The following ASIP variants were observed in gnomAD, a reference collection of about 807,000 sequenced individuals.
The protein encoded by ASIP is agouti signaling protein, also known as agouti-signaling protein.
Under a neutral mutation model 10.3 loss-of-function variants are expected in ASIP, and 11 were observed. That is an observed-to-expected ratio of 1.07 (90% CI 0.68 to 1.78). The LOEUF is 1.78. ASIP is among the 40% of genes most tolerant of loss of function. ASIP has a pLI of 0.00. For synonymous variants in ASIP, 70 were observed against 70.8 expected, an observed-to-expected ratio of 0.99 and a Z score of 0.06; for missense variants, 180 against 169.2, an observed-to-expected ratio of 1.06 and a Z score of -0.35.
intron 1 of ASIP, among the ~76,000 whole-genome samples, chr20:34,257,942 G>A (rs573262530): frequency 6.6e-6 from 1 of 152,284 alleles, no homozygotes; most frequent in Admixed American, 6.5e-5. Context: ...TCAGGAGTTT[G>A]AGATCAGCTT....
In ASIP at chr20:34,269,118, G is replaced by A. The variant is rs1021484408; in HGVS notation, c.350G>A (p.Arg117His). The A allele has an allele frequency of 1.9e-6, 3 of 1,560,054 alleles. No individual in the cohort carries two copies. Among genetic ancestry groups the A allele is most frequent in the African/African-American group, 2.7e-5 (2 of 73,272 alleles). The change falls in exon 4 of 4, where the codon CGC becomes CAC. Residue 117 changes from arginine to histidine, a missense_variant. Physicochemically the swap from Arg to His is conservative, Grantham distance 29. Coordinates refer to ENST00000374954, the MANE Select transcript of ASIP (RefSeq NM_001672.3). ...GACCCGTGCGCCTCCTGCCAGTGCC[G>A]CTTCTTCCGCAGCGCCTGCTCCTGC... ...CCDPCASCQC[R>H]FFRSACSCRV...
chr20:34,251,129 T>C (rs1354643825), intron 1 of ASIP, among the ~76,000 whole-genome samples: 1 of 152,180 alleles, frequency 6.6e-6, no homozygotes, highest in African/African-American at 2.4e-5. Flanking sequence ...TTAATACAAT[T>C]GCAGTGGGCT....
chr20:34,209,688 T>A (rs1234720383), intron 1 of ASIP, among the ~76,000 whole-genome samples: 1 of 152,210 alleles, frequency 6.6e-6, no homozygotes, highest in Non-Finnish European at 1.5e-5. Context: ...AGTCCCCTGC[T>A]GCCTTGGGCC....
intron 1 of ASIP, chr20:34,216,002 C>T: frequency 1.4e-6 from 1 of 710,954 alleles, no homozygotes; most frequent in South Asian, 1.4e-5. Context: ...CCAGCCTGAA[C>T]TCCATGGTCA....
At chr20:34,201,496 A>C (rs1161923639) in intron 1 of ASIP, among the ~76,000 whole-genome samples, 1 of 152,182 alleles carries the variant, frequency 6.6e-6, no homozygotes, top group Non-Finnish European at 1.5e-5. Context: ...AGGTGTAAAA[A>C]AATTTCACAT....
chr20:34,214,346 A>T, intron 1 of ASIP: 1 of 1,308,312 alleles, frequency 7.6e-7, no homozygotes, highest in East Asian at 2.3e-5. Flanking sequence ...CATATCTAAC[A>T]ACAGTTTCGA....
rs180688800 is a variant in ASIP at position 34,262,068 on chromosome 20, G to A, written c.161-764G>A. Reference sequence around the variant, plus strand: ...GCAGAAGTCACAGTGAGCCGAGATCGCACCACTGTACTCCAGCCTGGGCAA... The same window carrying A: ...GCAGAAGTCACAGTGAGCCGAGATCACACCACTGTACTCCAGCCTGGGCAA... On this transcript the variant is annotated intron_variant, in intron 2 of 3. Coordinates refer to ENST00000374954, the MANE Select transcript of ASIP (RefSeq NM_001672.3). Among the ~76,000 whole-genome samples the A allele has an allele frequency of 1.1e-4, 17 of 151,374 alleles. No homozygotes were observed. The East Asian group carries it at 2.7e-3, about 24-fold the overall frequency.
upstream of ASIP, among the ~76,000 whole-genome samples, chr20:34,239,931 T>C (rs1349999057): frequency 2.0e-5 from 3 of 152,204 alleles, no homozygotes; most frequent in African/African-American, 7.2e-5. Context: ...AAGCAATACA[T>C]TGTGACTGTT....
rs550543265 is a variant in ASIP, at chr20:34,260,571, G to A, written c.160+37G>A. The A allele has an allele frequency of 1.9e-5, 29 of 1,558,016 alleles. No individual in the cohort carries two copies. In the East Asian group the frequency reaches 6.3e-4, roughly 34 times the overall value. ...AGCCTCTGGGCTCTGGCCCAGGAGA[G>A]GGGCTGCAGGAGATCAAGCATGCTT... On this transcript the variant is annotated intron_variant, in intron 2 of 3. Coordinates refer to ENST00000374954, the MANE Select transcript of ASIP (RefSeq NM_001672.3).
intron 1 of ASIP, among the ~76,000 whole-genome samples, chr20:34,219,371 T>C (rs1244827182): frequency 6.6e-6 from 1 of 152,152 alleles, no homozygotes; most frequent in Non-Finnish European, 1.5e-5. Context: ...GCAGAATAGG[T>C]ATTGTTATCC....
At chr20:34,249,875 A>G (rs1247156588) in intron 1 of ASIP, 1 of 152,248 alleles carries the variant, frequency 6.6e-6, no homozygotes, top group African/African-American at 2.4e-5. Flanking sequence ...ACATATGCAC[A>G]GTGTTTCACA....
In ASIP at chr20:34,269,176, A is replaced by C; in HGVS notation, c.*9A>C. ...TCAGCCTCAACTGCTGAGCGCCCCC[A>C]CTCCCGGCCGCGAGCAGGCAGGGCT... is the stretch of plus-strand genomic sequence containing the variant. On this transcript the variant is annotated 3_prime_UTR_variant, in exon 4 of 4. Transcript: ENST00000374954. 6.7e-7 allele frequency: 1 copy of C among 1,495,716 alleles called. No individual in the cohort carries two copies. Among genetic ancestry groups the C allele is most frequent in the African/African-American group, 1.5e-5 (1 of 68,960 alleles). The allele number at this position is 1,495,716 out of a possible 1,614,324, so 92.7% of individuals were successfully genotyped here.
intron 1 of ASIP, among the ~76,000 whole-genome samples, chr20:34,250,962 CT>C (rs2035465590): frequency 6.6e-6 from 1 of 152,082 alleles, no homozygotes; most frequent in Non-Finnish European, 1.5e-5. Flanking sequence ...GATCTCAACA[CT>C]GTTGTCTCTT....
At chr20:34,203,059 C>T (rs1427594512) in intron 1 of ASIP, among the ~76,000 whole-genome samples, 5 of 151,922 alleles carry the variant, frequency 3.3e-5, no homozygotes, top group Non-Finnish European at 7.4e-5. Flanking sequence ...CTGCCTGCCT[C>T]GGCCTCCCAA....
At chr20:34,244,961 C>T (rs147426494) in intron 1 of ASIP, among the ~76,000 whole-genome samples, 1,851 of 152,230 alleles carry the variant, frequency 0.012, 35 homozygotes, top group African/African-American at 0.042. Context: ...TTAAAAATCA[C>T]TCAGCTTTAG....
intron 1 of ASIP, among the ~76,000 whole-genome samples, chr20:34,222,898 G>A (rs2035059203): frequency 6.6e-6 from 1 of 152,078 alleles, no homozygotes; most frequent in Non-Finnish European, 1.5e-5. Flanking sequence ...CCGAGGTGCC[G>A]GGATTGCAGA....
At chr20:34,188,194 C>A in the ASIP span, among the ~76,000 whole-genome samples, 1 of 152,216 alleles carries the variant, frequency 6.6e-6, no homozygotes, top group South Asian at 2.1e-4. Context: ...CGAAATTATA[C>A]GCAAGATGGT....
chr20:34,203,660 G>C (rs1051207788), intron 1 of ASIP, among the ~76,000 whole-genome samples: 1 of 152,052 alleles, frequency 6.6e-6, no homozygotes, highest in Non-Finnish European at 1.5e-5. Flanking sequence ...GCCTCCCAAA[G>C]TGCTGAGATT....
At chr20:34,259,349 C>T (rs1321415922) in intron 1 of ASIP, among the ~76,000 whole-genome samples, 1 of 151,756 alleles carries the variant, frequency 6.6e-6, no homozygotes, top group East Asian at 1.9e-4. Flanking sequence ...CCCGTCTTTA[C>T]TAAAAATACA....
Sources: gnomAD v4.1 joint callset for allele counts (sites outside exome capture counted in the v4.1 genomes callset) on GRCh38, gnomAD v4.1.1 for gene constraint, MANE v1.5 for transcripts, NCBI Gene and HGNC (gene_info 2026-07-23, HGNC 2026-07-21) for gene names.